NXN: variants seen among roughly 807,000 people sequenced by gnomAD.
NXN encodes nucleoredoxin 1.
NXN carries 16 observed loss-of-function variants against 48.6 expected under a neutral mutation model. The observed-to-expected ratio is 0.33, with a 90% CI of 0.22 to 0.50. NXN has a LOEUF of 0.50. Ranked by LOEUF, NXN falls within the 20% of genes least tolerant of loss-of-function variation. The probability of loss-of-function intolerance (pLI) is 0.98; values close to 1 mark genes in which losing one functional copy is unlikely to be tolerated. For synonymous variants in NXN, 281 were observed against 269.6 expected, an observed-to-expected ratio of 1.04 and a Z score of -0.41; for missense variants, 492 against 605.5, an observed-to-expected ratio of 0.81 and a Z score of 1.97.
chr17:968,523 CTG>C (rs772681476), intron 1 of NXN, among the ~76,000 whole-genome samples: 1 of 151,934 alleles, frequency 6.6e-6, no homozygotes, highest in Non-Finnish European at 1.5e-5. Context: ...TGAGCCCTGA[CTG>C]TGCCACTGCA....
chr17:863,976 G>C, intron 1 of NXN: 1 of 1,535,060 alleles, frequency 6.5e-7, no homozygotes, highest in Non-Finnish European at 8.7e-7. Flanking sequence ...GAGGAAACAC[G>C]TTAACCATTG....
At chr17:895,800 G>GGCAGAGCGAGAC (rs1327841147) in intron 1 of NXN, among the ~76,000 whole-genome samples, 16,357 of 147,282 alleles carry the variant, frequency 0.11, 1,181 homozygotes, top group Middle Eastern at 0.16. Flanking sequence ...CCTGGGTTTT[G>GGCAGAGCGAGAC]TTTGTCTCAA....
intron 1 of NXN, among the ~76,000 whole-genome samples, chr17:971,858 C>G (rs1424007271): frequency 1.3e-5 from 2 of 152,142 alleles, no homozygotes; most frequent in East Asian, 3.9e-4. Context: ...ACTGGGAATT[C>G]AGATCATGAA....
chr17:803,021 A>G (rs1244394329), intron 7 of NXN, among the ~76,000 whole-genome samples: 2 of 152,152 alleles, frequency 1.3e-5, no homozygotes, highest in Non-Finnish European at 2.9e-5. Flanking sequence ...GAGAGCCTGC[A>G]CCTGTGCTGA....
intron 1 of NXN, among the ~76,000 whole-genome samples, chr17:827,592 C>T (rs976578750): frequency 6.6e-6 from 1 of 152,348 alleles, no homozygotes; most frequent in Admixed American, 6.5e-5. Context: ...CACTGCACTC[C>T]AGCCTGGGTG....
chr17:824,035 C>T, intron 2 of NXN, among the ~76,000 whole-genome samples: 1 of 124,334 alleles, frequency 8.0e-6, no homozygotes, highest in South Asian at 2.6e-4. Flanking sequence ...CTTCCAGGGA[C>T]ATTTTTTTTT....
intron 1 of NXN, among the ~76,000 whole-genome samples, chr17:966,106 A>G (rs2069299610): frequency 6.6e-6 from 1 of 151,600 alleles, no homozygotes; most frequent in African/African-American, 2.4e-5. Context: ...ACAGGAGCAA[A>G]ATTCTGTCTC....
At chr17:901,950 T>C (rs563830980) in intron 1 of NXN, among the ~76,000 whole-genome samples, 246 of 152,260 alleles carry the variant, frequency 1.6e-3, no homozygotes, top group Middle Eastern at 6.8e-3. Context: ...TCCACCTGCC[T>C]CAGCCTCCCA....
intron 1 of NXN, among the ~76,000 whole-genome samples, chr17:826,955 G>A (rs1913137673): frequency 6.6e-6 from 1 of 152,226 alleles, no homozygotes; most frequent in Admixed American, 6.5e-5. Context: ...TTCGCCATCG[G>A]GGTGAAGCCT....
intron 1 of NXN, among the ~76,000 whole-genome samples, chr17:973,843 T>C (rs984206797): frequency 2.6e-5 from 4 of 151,304 alleles, no homozygotes; most frequent in Non-Finnish European, 5.9e-5. Flanking sequence ...CCACACCTGG[T>C]TAATTTTGTA....
At position 978,054 on chromosome 17, in the gene NXN, G is replaced by A. The variant is rs1256059948; in HGVS notation, c.360+1265C>T. On this transcript the variant is annotated intron_variant, in intron 1 of 7. Coordinates refer to ENST00000336868, the MANE Select transcript of NXN (RefSeq NM_022463.5). The surrounding 1 kb of genome is among the most constrained non-coding windows in gnomAD (Gnocchi z 4.1). The stretch of plus-strand genomic sequence containing the variant: ...TGGATGATTTACTCAAGACATTTGG[G>A]GTCACAGTGTAAGCCTTTTGCTCCC... Among the ~76,000 whole-genome samples the A allele has an allele frequency of 2.6e-5, 4 of 152,054 alleles. No individual in the cohort carries two copies. Among genetic ancestry groups the A allele is most frequent in the Non-Finnish European group, 5.9e-5 (4 of 68,028 alleles).
intron 1 of NXN, among the ~76,000 whole-genome samples, chr17:869,857 G>C (rs116382827): frequency 1.3e-5 from 2 of 152,186 alleles, no homozygotes; most frequent in African/African-American, 2.4e-5. Context: ...CTCTGATCTC[G>C]GTTAAGAACC....
chr17:912,685 G>A (rs115834452), intron 1 of NXN, among the ~76,000 whole-genome samples: 2,083 of 152,224 alleles, frequency 0.014, 48 homozygotes, highest in African/African-American at 0.048. Context: ...GCTCACACCT[G>A]TAATCCCAGC....
In NXN at chr17:956,352, A is replaced by C. The variant is rs1159444501; in HGVS notation, c.360+22967T>G. On this transcript the variant is annotated intron_variant, in intron 1 of 7. Coordinates refer to ENST00000336868, the MANE Select transcript of NXN (RefSeq NM_022463.5). The surrounding 1 kb of genome is among the most constrained non-coding windows in gnomAD (Gnocchi z 4.1). ...AAACCATCGGGTCTCGTGGAACAGA[A>C]CAGTGGTCACCGTCTTCTGGCCTTT... 6.6e-6 allele frequency among the ~76,000 whole-genome samples: 1 copy of C among 152,208 alleles called. No individual in the cohort carries two copies. Among genetic ancestry groups the C allele is most frequent in the African/African-American group, 2.4e-5 (1 of 41,464 alleles).
At position 963,678 on chromosome 17, in the gene NXN, T is replaced by C. The variant is rs774659546; in HGVS notation, c.360+15641A>G. Among the ~76,000 whole-genome samples, 16 of 152,216 alleles carry C rather than the reference T, an allele frequency of 1.1e-4. 1 individual carries two copies. Among genetic ancestry groups the C allele is most frequent in the Non-Finnish European group, 4.4e-5 (3 of 68,048 alleles). On this transcript the variant is annotated intron_variant, in intron 1 of 7. Coordinates refer to ENST00000336868, the MANE Select transcript of NXN (RefSeq NM_022463.5). ...TTGCGCAAAAAACCATTTAAGCATA[T>C]GTATTTTCATATGCAGTATATGCCT...
chr17:842,160 G>A (rs1049036754), intron 1 of NXN, among the ~76,000 whole-genome samples: 6 of 151,832 alleles, frequency 4.0e-5, no homozygotes, highest in South Asian at 2.1e-4. Flanking sequence ...AAACCTGCTC[G>A]ACACCCTTCC....
At chr17:908,886 G>A (rs775874338) in intron 1 of NXN, among the ~76,000 whole-genome samples, 1 of 152,016 alleles carries the variant, frequency 6.6e-6, no homozygotes, top group African/African-American at 2.4e-5. Flanking sequence ...GGCAGATCAC[G>A]AGGTCAGGAG....
At chr17:961,143 C>T (rs2069232101) in intron 1 of NXN, among the ~76,000 whole-genome samples, 1 of 151,930 alleles carries the variant, frequency 6.6e-6, no homozygotes, top group East Asian at 2.0e-4. Flanking sequence ...CCTGTAATCC[C>T]AGCACTTTGG....
At chr17:863,453 C>T (rs2068062083) in intron 1 of NXN, among the ~76,000 whole-genome samples, 1 of 152,094 alleles carries the variant, frequency 6.6e-6, no homozygotes. Flanking sequence ...AGGTGTGAGC[C>T]ACCACGCTCA....
Sources: allele counts gnomAD v4.1 joint callset (sites outside exome capture counted in the v4.1 genomes callset), GRCh38; gene constraint gnomAD v4.1.1; non-coding constraint Gnocchi (gnomAD v3.1); transcripts MANE v1.5; gene names NCBI Gene and HGNC (gene_info 2026-07-23, HGNC 2026-07-21).